NLGN1: variants seen among roughly 807,000 people sequenced by gnomAD.
The protein encoded by NLGN1 is neuroligin-1.
NLGN1 carries 12 observed loss-of-function variants against 65.5 expected under a neutral mutation model. That is an observed-to-expected ratio of 0.18 (90% CI 0.12 to 0.30). The LOEUF is 0.30. Among genes scored for constraint, NLGN1 ranks in the 10% least tolerant of loss-of-function variants. The pLI is 1.00. For missense variants in NLGN1, 750 were observed against 1,007.1 expected (o/e 0.74, Z 3.46); for synonymous variants, 350 against 359.5 (o/e 0.97, Z 0.30).
At chr3:173,697,301 A>T (rs963025487) in intron 3 of NLGN1, among the ~76,000 whole-genome samples, 4 of 151,966 alleles carry the variant, frequency 2.6e-5, no homozygotes, top group Admixed American at 6.6e-5. Context: ...TTATTTATTT[A>T]TTTTTTACAT....
intron 4 of NLGN1, among the ~76,000 whole-genome samples, chr3:174,218,550 T>C (rs2152802890): frequency 6.6e-6 from 1 of 152,160 alleles, no homozygotes; most frequent in Admixed American, 6.5e-5. Context: ...CCTCACCTCA[T>C]AATGGTATTA....
chr3:174,106,357 G>T (rs1713798162), intron 4 of NLGN1, among the ~76,000 whole-genome samples: 1 of 151,886 alleles, frequency 6.6e-6, no homozygotes, highest in African/African-American at 2.4e-5. Context: ...TTTTTAATCT[G>T]ATCTTTTCTC....
intron 4 of NLGN1, among the ~76,000 whole-genome samples, chr3:174,033,030 A>G (rs1034053085): frequency 5.9e-5 from 9 of 152,028 alleles, no homozygotes; most frequent in African/African-American, 1.7e-4. Context: ...ATCTATGTCT[A>G]TATATATCTA....
intron 4 of NLGN1, among the ~76,000 whole-genome samples, chr3:174,212,677 A>C (rs1318803549): frequency 1.3e-5 from 2 of 152,270 alleles, no homozygotes; most frequent in African/African-American, 4.8e-5. Context: ...TATAGCTGCT[A>C]CAGTAAGTTA....
At chr3:173,949,710 G>C (rs1005947885) in intron 4 of NLGN1, among the ~76,000 whole-genome samples, 1 of 152,140 alleles carries the variant, frequency 6.6e-6, no homozygotes, top group African/African-American at 2.4e-5. Context: ...ACATGACACT[G>C]TCGTAATTCT....
intron 4 of NLGN1, among the ~76,000 whole-genome samples, chr3:174,190,945 C>T (rs1217157985): frequency 6.6e-6 from 1 of 152,000 alleles, no homozygotes; most frequent in Non-Finnish European, 1.5e-5. Flanking sequence ...GGGCCGAGAT[C>T]TCTTATAGCT....
At chr3:173,472,211 T>TA (rs1050104268) in intron 2 of NLGN1, among the ~76,000 whole-genome samples, 2 of 152,156 alleles carry the variant, frequency 1.3e-5, no homozygotes, top group African/African-American at 4.8e-5. Flanking sequence ...CCTAGCTTCT[T>TA]ACCCTGCCCA....
exon 4 of NLGN1, chr3:173,807,829 C>T (rs1317622035): frequency 3.1e-6 from 5 of 1,612,572 alleles, no homozygotes; most frequent in Non-Finnish European, 4.2e-6. Context: ...ACTTGGAGTA[C>T]TCGGTAAGAA....
rs577593732 is a variant in NLGN1 at position 173,439,361 on chromosome 3, A to G, written c.-321+4283A>G. Among the ~76,000 whole-genome samples, 11 of 152,286 alleles carry G rather than the reference A, an allele frequency of 7.2e-5. 1 individual carries two copies. In the South Asian group the frequency reaches 2.3e-3, roughly 32 times the overall value. ...GATGAATGGGAGCCAAATAAGAAAT[A>G]TGCGGGAAACTATATAGAGGAATTA... On this transcript the variant is annotated intron_variant, in intron 2 of 6. Coordinates refer to ENST00000457714, the Ensembl canonical transcript of NLGN1.
chr3:173,927,638 TG>T (rs1205221013), intron 4 of NLGN1, among the ~76,000 whole-genome samples: 1 of 152,096 alleles, frequency 6.6e-6, no homozygotes, highest in African/African-American at 2.4e-5. Context: ...AGTTAGCATT[TG>T]CACATTTTTC....
rs144504256 is a variant in NLGN1 at position 174,253,971 on chromosome 3, A to G, written c.647-21344A>G. Among the ~76,000 whole-genome samples, 909 of 152,328 alleles carry G rather than the reference A, an allele frequency of 6.0e-3. 23 individuals are homozygous for G. The highest frequency in any genetic ancestry group is 0.03 in the East Asian group (155 of 5,176). On this transcript the variant is annotated intron_variant, in intron 4 of 6. Coordinates refer to ENST00000457714, the Ensembl canonical transcript of NLGN1. Reference sequence around the variant, plus strand: ...TACCTCCAGAGGATTGCGGAAGCCAATATCACCATGTTGCTTAAATTTGAG... The same window carrying G: ...TACCTCCAGAGGATTGCGGAAGCCAGTATCACCATGTTGCTTAAATTTGAG...
At chr3:174,130,754 G>T in intron 4 of NLGN1, among the ~76,000 whole-genome samples, 1 of 152,132 alleles carries the variant, frequency 6.6e-6, no homozygotes, top group East Asian at 1.9e-4. Context: ...AATGACGGAA[G>T]AATGAGTAGA....
At chr3:173,924,668 TA>T (rs1742695317) in intron 4 of NLGN1, among the ~76,000 whole-genome samples, 2 of 151,648 alleles carry the variant, frequency 1.3e-5, no homozygotes, top group African/African-American at 4.9e-5. Flanking sequence ...TAGATACAAA[TA>T]AAAGAGTCAA....
intron 4 of NLGN1, among the ~76,000 whole-genome samples, chr3:174,129,347 G>A (rs1286944780): frequency 2.1e-5 from 2 of 95,972 alleles, no homozygotes; most frequent in African/African-American, 7.5e-5. Flanking sequence ...CCCCACCCCC[G>A]GTTTACAACA....
At chr3:173,729,875 A>G (rs1247884214) in intron 3 of NLGN1, among the ~76,000 whole-genome samples, 1 of 151,956 alleles carries the variant, frequency 6.6e-6, no homozygotes, top group African/African-American at 2.4e-5. Context: ...ATTCTGTCAA[A>G]TGCTTCAAAA....
At chr3:174,066,564 C>CTCTCTCTCTGTGTG (rs1553925385) in intron 4 of NLGN1, among the ~76,000 whole-genome samples, 4 of 100,052 alleles carry the variant, frequency 4.0e-5, no homozygotes, top group South Asian at 3.6e-4. Flanking sequence ...CTCTCTCTCT[C>CTCTCTCTCTGTGTG]TGTGTGTGTG....
chr3:174,162,324 C>A (rs1483591596), intron 4 of NLGN1, among the ~76,000 whole-genome samples: 2 of 151,812 alleles, frequency 1.3e-5, no homozygotes, highest in African/African-American at 4.8e-5. Flanking sequence ...TAACGTCATT[C>A]TGTATTTTGT....
At chr3:174,000,732 A>C (rs1391800981) in intron 4 of NLGN1, among the ~76,000 whole-genome samples, 3 of 152,232 alleles carry the variant, frequency 2.0e-5, no homozygotes, top group African/African-American at 4.8e-5. Flanking sequence ...AGATGAATTC[A>C]TGAGGTTAGT....
At chr3:173,828,855 G>A (rs1445244904) in intron 4 of NLGN1, among the ~76,000 whole-genome samples, 1 of 152,096 alleles carries the variant, frequency 6.6e-6, no homozygotes, top group East Asian at 1.9e-4. Context: ...GCCTGTAAAT[G>A]AGATCAGATA....
Sources: gnomAD v4.1 joint callset for allele counts (sites outside exome capture counted in the v4.1 genomes callset) on GRCh38, gnomAD v4.1.1 for gene constraint, MANE v1.5 for transcripts, NCBI Gene and HGNC (gene_info 2026-07-23, HGNC 2026-07-21) for gene names.